The following CDKAL1 variants were observed in gnomAD, a reference collection of about 807,000 sequenced individuals.
CDKAL1 encodes CDKAL1 threonylcarbamoyladenosine tRNA methylthiotransferase, also known as threonylcarbamoyladenosine tRNA methylthiotransferase.
In CDKAL1, 32 loss-of-function variants were observed where a neutral mutation model predicts 68.2. That is an observed-to-expected ratio of 0.47 (90% confidence interval 0.35 to 0.63). The LOEUF (loss-of-function observed/expected upper bound fraction) is 0.63. Among genes scored for constraint, CDKAL1 ranks in the 30% least tolerant of loss-of-function variants. The pLI is 0.00. For missense variants in CDKAL1, 606 were observed against 696.7 expected (o/e 0.87, Z 1.47); for synonymous variants, 234 against 244.3 (o/e 0.96, Z 0.39).
chr6:21,230,849 A>C lies in CDKAL1; in HGVS notation c.1550A>C (p.Asp517Ala). Reference sequence around the variant, plus strand: ...TTTCCTCTGTTTCTCTCTTTATAGGACTTCAGAAATGGGCTTGGGAACCAG... The same window carrying C: ...TTTCCTCTGTTTCTCTCTTTATAGGCCTTCAGAAATGGGCTTGGGAACCAG... ...AKGEVSGLTK[D>A]FRNGLGNQLS... The change falls in exon 16 of 16, where the codon GAC (aspartate) becomes GCC (alanine). Residue 517 changes from aspartate to alanine, a missense_variant and splice_region_variant. By Grantham distance (126) the Asp-to-Ala change is moderately radical (BLOSUM62 -2). Coordinates refer to ENST00000274695, the MANE Select transcript of CDKAL1 (RefSeq NM_017774.3). The C allele has an allele frequency of 6.3e-7, 1 of 1,599,474 alleles. No homozygotes were observed. Among genetic ancestry groups the C allele is most frequent in the Non-Finnish European group, 8.5e-7 (1 of 1,169,884 alleles).
intron 12 of CDKAL1, among the ~76,000 whole-genome samples, chr6:21,101,070 TAG>T (rs1185538508): frequency 6.6e-6 from 1 of 152,164 alleles, no homozygotes; most frequent in Non-Finnish European, 1.5e-5. Flanking sequence ...AATTCTTGCA[TAG>T]AGAGTCCATT....
intron 9 of CDKAL1, among the ~76,000 whole-genome samples, chr6:20,879,182 T>G (rs1228123281): frequency 6.6e-6 from 1 of 152,232 alleles, no homozygotes; most frequent in Non-Finnish European, 1.5e-5. Context: ...CTAGGACTGA[T>G]GTACAGGTGG....
intron 5 of CDKAL1, among the ~76,000 whole-genome samples, chr6:20,737,708 A>G (rs1341503432): frequency 6.6e-6 from 1 of 152,256 alleles, no homozygotes; most frequent in Admixed American, 6.5e-5. Context: ...TGGCAGAGCC[A>G]GGCAATAATT....
intron 10 of CDKAL1, among the ~76,000 whole-genome samples, chr6:20,989,969 G>A (rs1470050160): frequency 2.0e-5 from 3 of 152,100 alleles, no homozygotes; most frequent in African/African-American, 7.2e-5. Flanking sequence ...TAGGCTCGGC[G>A]TGGTGGTTCA....
intron 5 of CDKAL1, among the ~76,000 whole-genome samples, chr6:20,731,487 A>T (rs1772923272): frequency 6.6e-6 from 1 of 152,206 alleles, no homozygotes. Context: ...TCTAAGAGTT[A>T]TGGGAAGAAC....
chr6:20,828,891 CTA>C (rs1384385832), intron 8 of CDKAL1, among the ~76,000 whole-genome samples: 11 of 152,262 alleles, frequency 7.2e-5, no homozygotes, highest in African/African-American at 2.4e-4. Context: ...CTCTCTGTCT[CTA>C]TGAACTTGAC....
chr6:20,923,325 C>T (rs573159493), intron 9 of CDKAL1, among the ~76,000 whole-genome samples: 13 of 152,324 alleles, frequency 8.5e-5, no homozygotes, highest in African/African-American at 3.1e-4. Context: ...TTTGTGTCAA[C>T]CGTGCTTCAA....
chr6:20,987,493 G>T (rs997635967), intron 10 of CDKAL1, among the ~76,000 whole-genome samples: 1 of 152,062 alleles, frequency 6.6e-6, no homozygotes, highest in South Asian at 2.1e-4. Flanking sequence ...GACCTCAAGT[G>T]ATCCGCCCAC....
chr6:21,195,848 G>A (rs945468598), intron 13 of CDKAL1, among the ~76,000 whole-genome samples: 1 of 151,932 alleles, frequency 6.6e-6, no homozygotes, highest in Admixed American at 6.6e-5. Flanking sequence ...ATGAGACTGG[G>A]GACACAAATA....
intron 11 of CDKAL1, among the ~76,000 whole-genome samples, chr6:21,058,964 A>C (rs1163128252): frequency 6.6e-6 from 1 of 152,190 alleles, no homozygotes; most frequent in Non-Finnish European, 1.5e-5. Flanking sequence ...ACTGAGAGGA[A>C]TCCCCATCAT....
intron 9 of CDKAL1, among the ~76,000 whole-genome samples, chr6:20,857,352 G>A (rs1356207793): frequency 1.3e-5 from 2 of 152,102 alleles, no homozygotes; most frequent in Non-Finnish European, 2.9e-5. Flanking sequence ...GATGAAACAA[G>A]GAATGAATAA....
chr6:20,767,076 G>T (rs1398393279), intron 7 of CDKAL1, among the ~76,000 whole-genome samples: 2 of 152,052 alleles, frequency 1.3e-5, no homozygotes, highest in Admixed American at 6.6e-5. Flanking sequence ...AGAATTGGCA[G>T]TTGCTACACT....
chr6:20,918,171 C>T (rs1762800633), intron 9 of CDKAL1, among the ~76,000 whole-genome samples: 1 of 152,202 alleles, frequency 6.6e-6, no homozygotes, highest in Non-Finnish European at 1.5e-5. Context: ...CATGTGAGGA[C>T]ACAGAGAAGC....
intron 11 of CDKAL1, among the ~76,000 whole-genome samples, chr6:21,012,919 C>G (rs975663703): frequency 1.3e-5 from 2 of 152,200 alleles, no homozygotes; most frequent in Non-Finnish European, 2.9e-5. Flanking sequence ...CCCTCACAAA[C>G]TTAGTAGCCT....
rs146748191 is a variant in CDKAL1 at position 20,561,437 on chromosome 6, C to G, written c.286+12732C>G. On this transcript the variant is annotated intron_variant, in intron 4 of 15. Transcript: ENST00000274695. ...AGCCTGGGCGACAGAGCAAGACCAT[C>G]TCAAAAAAGAAAAAAAAAAAAAAAA... is the stretch of plus-strand genomic sequence containing the variant. 1.7e-3 allele frequency among the ~76,000 whole-genome samples: 152 copies of G among 88,916 alleles called. 3 individuals are homozygous for G. In the East Asian group the frequency reaches 0.045, roughly 27 times the overall value. 58.3% of individuals were successfully genotyped at this position (88,916 alleles called of 152,430 possible). A position where few individuals can be genotyped will look rare whatever the true frequency, so the allele number is the denominator to read the frequency against.
At position 20,781,207 on chromosome 6, in the gene CDKAL1, T is replaced by C. The variant is rs143264680; in HGVS notation, c.580T>C (p.Leu194=). The C allele has an allele frequency of 6.1e-5, 98 of 1,613,756 alleles. No homozygotes were observed. Among genetic ancestry groups the C allele is most frequent in the Admixed American group, 2.7e-4 (16 of 59,956 alleles). ...DNGRRLGGAR[L]DLPKIRKNPL... is the part of the protein sequence containing the mutation. ...TGGAAGGCGGCTTGGGGGAGCACGA[T>C]TGGATTTGCCGAAGATTAGGAAGAA... The change falls in exon 8 of 16, where the codon TTG becomes CTG. Residue 194 remains leucine (L), a synonymous_variant. Transcript: ENST00000274695.
intron 11 of CDKAL1, among the ~76,000 whole-genome samples, chr6:21,025,905 A>T (rs1043064945): frequency 1.3e-5 from 2 of 152,140 alleles, no homozygotes; most frequent in Non-Finnish European, 2.9e-5. Context: ...TTGTTCTCTA[A>T]ATTCACAACT....
intron 9 of CDKAL1, among the ~76,000 whole-genome samples, chr6:20,930,458 A>G (rs1763387044): frequency 6.6e-6 from 1 of 151,088 alleles, no homozygotes; most frequent in Admixed American, 6.6e-5. Context: ...TTACTGTCAA[A>G]GAAGTAGTTT....
Position 20,743,823 on chromosome 6 carries a change from A to C in CDKAL1, c.468+4208A>C, listed in dbSNP as rs139508503. Among the ~76,000 whole-genome samples the C allele has an allele frequency of 2.2e-3, 332 of 152,342 alleles. 2 individuals are homozygous for C. The highest frequency in any genetic ancestry group is 7.7e-3 in the African/African-American group (321 of 41,588). On this transcript the variant is annotated intron_variant, in intron 6 of 15. Coordinates refer to ENST00000274695, the MANE Select transcript of CDKAL1 (RefSeq NM_017774.3). ...CATCTTGGAGCAAAAATCTGTGCAC[A>C]AACCTGTCTAATTTCTTCACAATGG...
Sources: gnomAD v4.1 joint callset for allele counts (sites outside exome capture counted in the v4.1 genomes callset) on GRCh38, gnomAD v4.1.1 for gene constraint, MANE v1.5 for transcripts, NCBI Gene and HGNC (gene_info 2026-07-23, HGNC 2026-07-21) for gene names.